TM6SF1: variants seen among roughly 807,000 people sequenced by gnomAD.
TM6SF1 encodes the protein transmembrane 6 superfamily member 1.
A neutral mutation model predicts 47.1 loss-of-function variants in TM6SF1; 43 were observed. The ratio of observed to expected loss-of-function variants is 0.91; its 90% CI spans 0.72 to 1.18. The LOEUF (loss-of-function observed/expected upper bound fraction) is 1.18. Among genes scored for constraint, TM6SF1 ranks in the 50% most tolerant of loss-of-function variants. The probability of loss-of-function intolerance (pLI) is 0.00; values close to 1 mark genes in which losing one functional copy is unlikely to be tolerated. For missense variants in TM6SF1, 390 were observed against 449.0 expected, an observed-to-expected ratio of 0.87 and a Z score of 1.19; for synonymous variants, 177 against 166.3, an observed-to-expected ratio of 1.06 and a Z score of -0.49.
Position 83,112,051 on chromosome 15 carries a change from GC to G in TM6SF1, c.93-743del, listed in dbSNP as rs1447989475. On this transcript the variant is annotated intron_variant, in intron 1 of 9. Transcript: ENST00000322019. Reference sequence around the variant, plus strand: ...GACTGATAACTCTACCAAGCCTCGTGCCCTATCGCTGCCCCACTGAGTAGCG... The same window carrying G: ...GACTGATAACTCTACCAAGCCTCGTGCCTATCGCTGCCCCACTGAGTAGCG... Among the ~76,000 whole-genome samples, 6 of 152,196 alleles carry G rather than the reference GC, an allele frequency of 3.9e-5. No individual in the cohort carries two copies. The East Asian group carries it at 1.2e-3, about 29-fold the overall frequency.
chr15:83,127,568 C>G, intron 9 of TM6SF1, 91 bp downstream of exon 9: 2 of 1,411,362 alleles, frequency 1.4e-6, no homozygotes, highest in Non-Finnish European at 2.0e-6. Context: ...GTGTTTTAGA[C>G]TAGGAGATAG....
chr15:83,128,633 A>T (rs757591889), intron 9 of TM6SF1: 1 of 152,048 alleles, frequency 6.6e-6, no homozygotes, highest in African/African-American at 2.4e-5. Flanking sequence ...TTTCATTCCA[A>T]ACTCAGTCTT....
At chr15:83,133,024 C>T (rs2036359472) in intron 9 of TM6SF1, 1 of 152,096 alleles carries the variant, frequency 6.6e-6, no homozygotes, top group Non-Finnish European at 1.5e-5. Flanking sequence ...ACAGAATAGC[C>T]CCAAGTGCTT....
At chr15:83,120,920 C>T (rs1344709614) in intron 4 of TM6SF1, among the ~76,000 whole-genome samples, 2 of 148,976 alleles carry the variant, frequency 1.3e-5, no homozygotes, top group Non-Finnish European at 3.0e-5. Context: ...ATGAATGGGC[C>T]TCTTGGGGTC....
intron 2 of TM6SF1, chr15:83,113,275 T>C (rs888871642): frequency 3.3e-5 from 10 of 303,166 alleles, no homozygotes; most frequent in Non-Finnish European, 5.7e-5. Flanking sequence ...GTGTGGTGTC[T>C]GGGTCTGCAC....
chr15:83,135,173 A>T (rs2036527939), intron 9 of TM6SF1: 1 of 152,254 alleles, frequency 6.6e-6, no homozygotes, highest in Non-Finnish European at 1.5e-5. Context: ...GGAATTTGTA[A>T]AAATGCAGCC....
At position 83,127,481 on chromosome 15, in the gene TM6SF1, C is replaced by T. The variant is rs766564557; in HGVS notation, c.921+4C>T. On this transcript the variant is annotated splice_donor_region_variant and intron_variant, in intron 9 of 9. Transcript: ENST00000322019. ...ACATGCTGGAGGTCTGGCTCAGGTA[C>T]TAAGAATATTCTGTTGAGAAGGTTT... The T allele has an allele frequency of 2.4e-5, 38 of 1,612,896 alleles. 3 individuals carry two copies. In the Admixed American group the frequency reaches 6.0e-4, roughly 26 times the overall value.
chr15:83,122,402 G>T (rs1363746463), intron 5 of TM6SF1, among the ~76,000 whole-genome samples: 1 of 151,332 alleles, frequency 6.6e-6, no homozygotes, highest in African/African-American at 2.4e-5. Context: ...TAGGTAGATA[G>T]ATAGATAGAT....
intron 9 of TM6SF1, chr15:83,132,928 C>G (rs1380937421): frequency 1.3e-5 from 2 of 152,144 alleles, no homozygotes; most frequent in Admixed American, 6.5e-5. Context: ...GTCAAAAGGT[C>G]AAGAGAATCT....
At chr15:83,117,741 C>T (rs925866874) in intron 3 of TM6SF1, among the ~76,000 whole-genome samples, 3 of 151,982 alleles carry the variant, frequency 2.0e-5, no homozygotes, top group Non-Finnish European at 4.4e-5. Context: ...GGGGCTTGGT[C>T]CAGCAGGCTG....
chr15:83,119,373 T>G (rs995850861), intron 3 of TM6SF1, among the ~76,000 whole-genome samples: 3 of 152,236 alleles, frequency 2.0e-5, no homozygotes, highest in African/African-American at 4.8e-5. Context: ...ATTCTCTAAT[T>G]CCATCCTCTG....
At chr15:83,115,805 T>C in intron 2 of TM6SF1, 40 bp from the exon 3 acceptor site, 8 of 1,346,644 alleles carry the variant, frequency 5.9e-6, no homozygotes, top group Non-Finnish European at 8.5e-6. Context: ...AATTGTCTCC[T>C]GAGCTATTGC....
intron 5 of TM6SF1, 105 bp from the exon 6 acceptor site, chr15:83,122,652 G>T: frequency 1.5e-6 from 2 of 1,291,966 alleles, no homozygotes; most frequent in South Asian, 1.4e-5. Flanking sequence ...ATATTGTCTG[G>T]CCCATAGCAA....
At chr15:83,110,049 G>A (rs763969491) in intron 1 of TM6SF1, among the ~76,000 whole-genome samples, 24 of 152,284 alleles carry the variant, frequency 1.6e-4, no homozygotes, top group Non-Finnish European at 3.1e-4. Context: ...CCAGGCCAGC[G>A]CCGTGTGCAT....
chr15:83,112,575 A>G (rs760641790), intron 1 of TM6SF1, among the ~76,000 whole-genome samples: 6 of 152,070 alleles, frequency 3.9e-5, no homozygotes, highest in Non-Finnish European at 7.4e-5. Context: ...AATGAGGAGG[A>G]CCTGATGGCT....
At chr15:83,131,465 T>G (rs2036244916) in intron 9 of TM6SF1, 1 of 152,162 alleles carries the variant, frequency 6.6e-6, no homozygotes, top group Admixed American at 6.6e-5. Context: ...ACCCCGTCTC[T>G]ACTAAAAATA....
chr15:83,126,664 T>C, intron 7 of TM6SF1, 91 bp from the exon 8 acceptor site: 1 of 997,560 alleles, frequency 1.0e-6, no homozygotes, highest in Non-Finnish European at 1.5e-6. Context: ...GCAAAGCAGC[T>C]TGTGACTAAA....
intron 1 of TM6SF1, among the ~76,000 whole-genome samples, chr15:83,109,129 A>T (rs2033922138): frequency 6.6e-6 from 1 of 152,212 alleles, no homozygotes; most frequent in South Asian, 2.1e-4. Context: ...ACATTAATAC[A>T]TCGATAGTGA....
chr15:83,114,081 C>CCTTTT (rs1200117215), intron 2 of TM6SF1: 3 of 152,346 alleles, frequency 2.0e-5, no homozygotes, highest in Non-Finnish European at 4.4e-5. Flanking sequence ...GGCCCACATG[C>CCTTTT]CTTTTCCTGG....
Sources: allele counts gnomAD v4.1 joint callset (sites outside exome capture counted in the v4.1 genomes callset), GRCh38; gene constraint gnomAD v4.1.1; transcripts MANE v1.5; gene names NCBI Gene and HGNC (gene_info 2026-07-23, HGNC 2026-07-21).